CYGB: variants seen among roughly 807,000 people sequenced by gnomAD.
CYGB encodes the protein cytoglobin.
In CYGB, 13 loss-of-function variants were observed where a neutral mutation model predicts 20.7. The ratio of observed to expected loss-of-function variants is 0.63; its 90% CI spans 0.41 to 1.00. The LOEUF (loss-of-function observed/expected upper bound fraction) is 1.00. Ranked by LOEUF, CYGB falls within the 50% of genes least tolerant of loss-of-function variation. The pLI, the probability that CYGB is intolerant of heterozygous loss-of-function variation, is 0.00. For synonymous variants in CYGB, 93 were observed against 107.4 expected, an observed-to-expected ratio of 0.87 and a Z score of 0.83; for missense variants, 218 against 257.2, an observed-to-expected ratio of 0.85 and a Z score of 1.04.
At chr17:76,534,146 T>C (rs140767669) in intron 1 of CYGB, among the ~76,000 whole-genome samples, 4,115 of 128,706 alleles carry the variant, frequency 0.032, 113 homozygotes, top group Non-Finnish European at 0.048. Context: ...CTCTTTCTCT[T>C]TCTCTCTCTC....
intron 1 of CYGB, among the ~76,000 whole-genome samples, 153 bp downstream of exon 1, chr17:76,537,247 G>C (rs1312412534): frequency 6.6e-6 from 1 of 152,168 alleles, no homozygotes; most frequent in Non-Finnish European, 1.5e-5. Flanking sequence ...TCACCCCAAG[G>C]CGCCCCACGC....
chr17:76,538,406 C>T (rs1598209473), upstream of CYGB: 3 of 423,800 alleles, frequency 7.1e-6, no homozygotes, highest in East Asian at 2.6e-4. Flanking sequence ...GCGCCAGAGG[C>T]CTGCGCCCCC....
At chr17:76,535,374 C>T (rs542770519) in intron 1 of CYGB, among the ~76,000 whole-genome samples, 3 of 152,236 alleles carry the variant, frequency 2.0e-5, no homozygotes, top group East Asian at 3.9e-4. Flanking sequence ...TCAAGACTGA[C>T]GGGCCCAGGA....
In CYGB at chr17:76,530,055, C is replaced by T. The variant is rs528327186; in HGVS notation, c.539+924G>A. 209 of 985,388 alleles carry T rather than the reference C, an allele frequency of 2.1e-4. 1 individual carries two copies. In the African/African-American group the frequency reaches 3.5e-3, roughly 16 times the overall value. 61.0% of individuals were successfully genotyped at this position (985,388 alleles called of 1,614,324 possible). On this transcript the variant is annotated intron_variant, in intron 3 of 3. Coordinates refer to ENST00000293230, the MANE Select transcript of CYGB (RefSeq NM_134268.5). This position sits in a 1 kb window ranked among gnomAD's most constrained non-coding sequence, Gnocchi z 6.1. ...AGAAGGGCCGGCAGTCTTGGGGGCCCGTGCAGAGCCCGGCGGGAGACGCCG... is the reference window on the plus strand; with the variant it reads ...AGAAGGGCCGGCAGTCTTGGGGGCCTGTGCAGAGCCCGGCGGGAGACGCCG...
At chr17:76,542,909 T>C (rs2075008625) in intron 1 of CYGB, 4 of 582,868 alleles carry the variant, frequency 6.9e-6, no homozygotes, top group South Asian at 6.2e-5. Flanking sequence ...TGCTGGGGCA[T>C]GAGGGCAGTG....
chr17:76,536,195 C>T (rs1040954322), intron 1 of CYGB, among the ~76,000 whole-genome samples: 5 of 152,212 alleles, frequency 3.3e-5, no homozygotes, highest in Admixed American at 6.5e-5. Context: ...GCTCCTCTAA[C>T]TCCTTAGAAG....
chr17:76,538,440 T>C (rs895729818), upstream of CYGB: 5 of 464,252 alleles, frequency 1.1e-5, no homozygotes, highest in Admixed American at 4.8e-5. Flanking sequence ...AGCACCTCCA[T>C]GCCCTCGGTG....
At chr17:76,544,586 AGCCTGACCCAGGCCGTGAGCCCGTGATC>A (rs1358412002) in intron 1 of CYGB, 3 of 456,634 alleles carry the variant, frequency 6.6e-6, no homozygotes, top group Non-Finnish European at 8.8e-6. Flanking sequence ...CCAGAGCGCC[AGCCTGACCCAGGCCGTGAGCCCGTGATC>A]GCCTGTCTCA....
At chr17:76,534,872 G>T (rs2074898212) in intron 1 of CYGB, among the ~76,000 whole-genome samples, 1 of 152,206 alleles carries the variant, frequency 6.6e-6, no homozygotes, top group Admixed American at 6.5e-5. Context: ...GGCCCCTGGG[G>T]CCCATGTGCC....
chr17:76,542,987 G>C (rs1181841619), intron 1 of CYGB: 1 of 490,606 alleles, frequency 2.0e-6, no homozygotes, highest in African/African-American at 2.0e-5. Flanking sequence ...CCCATCCCCA[G>C]GTGTGGGAGA....
chr17:76,534,925 C>A (rs2074899291), intron 1 of CYGB, among the ~76,000 whole-genome samples: 1 of 152,256 alleles, frequency 6.6e-6, no homozygotes, highest in South Asian at 2.1e-4. Context: ...ACCTGAGACC[C>A]TCCCGGTCTC....
chr17:76,537,916 G>A (rs1034791147), upstream of CYGB: 1 of 150,916 alleles, frequency 6.6e-6, no homozygotes, highest in Admixed American at 6.6e-5. Flanking sequence ...CGCAGGCCAC[G>A]GCGGAGTTGC....
chr17:76,534,475 G>T (rs1401270917), intron 1 of CYGB, among the ~76,000 whole-genome samples: 1 of 152,162 alleles, frequency 6.6e-6, no homozygotes, highest in South Asian at 2.1e-4. Context: ...CACGGTGCCC[G>T]GCCTGTTATT....
At chr17:76,539,192 GC>G (rs902670163), upstream of CYGB, among the ~76,000 whole-genome samples, 3 of 152,208 alleles carry the variant, frequency 2.0e-5, no homozygotes, top group Admixed American at 6.5e-5. Context: ...CGTGGCCATG[GC>G]TGGCTCCATG....
chr17:76,528,251 G>A lies in CYGB; in HGVS notation c.*327C>T, dbSNP rs533419813. The A allele has an allele frequency of 1.8e-5, 7 of 399,166 alleles. No homozygotes were observed. Among genetic ancestry groups the A allele is most frequent in the Non-Finnish European group, 3.1e-5 (7 of 226,722 alleles). 24.7% of individuals were successfully genotyped at this position (399,166 alleles called of 1,614,324 possible). A position where few individuals can be genotyped will look rare whatever the true frequency, so the allele number is the denominator to read the frequency against. Reference sequence around the variant, plus strand: ...CATGCTGGCCGGGCTGATAGAAACGGGGCTGGTTTATTCCCTAAGGGACTC... The same window carrying A: ...CATGCTGGCCGGGCTGATAGAAACGAGGCTGGTTTATTCCCTAAGGGACTC... On this transcript the variant is annotated 3_prime_UTR_variant, in exon 4 of 4. Transcript: ENST00000293230. The surrounding 1 kb of genome is among the most constrained non-coding windows in gnomAD (Gnocchi z 5.8).
upstream of CYGB, chr17:76,540,049 G>C: frequency 7.6e-7 from 1 of 1,311,152 alleles, no homozygotes; most frequent in Non-Finnish European, 1.1e-6. This position sits in a 1 kb window ranked among gnomAD's most constrained non-coding sequence, Gnocchi z 5.0. Context: ...AGGACAGACG[G>C]CAGTGGCTCC....
rs2143193892 is a variant in CYGB at position 76,546,550 on chromosome 17, G to T, written c.-53+4312C>A. 6.6e-6 allele frequency: 1 copy of T among 152,216 alleles called. No homozygotes were observed. Among genetic ancestry groups the T allele is most frequent in the South Asian group, 2.1e-4 (1 of 4,816 alleles). The allele number at this position is 152,216 out of a possible 1,614,324, so 9.4% of individuals were successfully genotyped here. On this transcript the variant is annotated intron_variant, in intron 1 of 3. Coordinates refer to the CYGB transcript ENST00000589145. This position sits in a 1 kb window ranked among gnomAD's most constrained non-coding sequence, Gnocchi z 4.5. ...GGGTAGGGCACAGTGCCCACTATGAGACAGGCACAATGGCGAGAGAGCAAA... is the reference window on the plus strand; with the variant it reads ...GGGTAGGGCACAGTGCCCACTATGATACAGGCACAATGGCGAGAGAGCAAA...
rs919318346 is a variant in CYGB at position 76,527,553 on chromosome 17, G to A, written c.*1025C>T. 18 of 440,708 alleles carry A rather than the reference G, an allele frequency of 4.1e-5. No individual in the cohort carries two copies. The highest frequency in any genetic ancestry group is 3.6e-4 in the African/African-American group (17 of 47,772). 27.3% of individuals were successfully genotyped at this position (440,708 alleles called of 1,614,324 possible). On this transcript the variant is annotated 3_prime_UTR_variant, in exon 4 of 4. Transcript: ENST00000293230. ...ACACACGTGACCAAGGGGCACACAC[G>A]GGGGGCCCCCCTGGCAAGCCTGACG...
At position 76,531,855 on chromosome 17, in the gene CYGB, C is replaced by G; in HGVS notation, c.144-164G>C. ...GTAGACCTCAGCATAGACCCTCCTC[C>G]CTCTGGCCAAGCCGGCTCACCCCTA... On this transcript the variant is annotated intron_variant, in intron 1 of 3. Coordinates refer to ENST00000293230, the MANE Select transcript of CYGB (RefSeq NM_134268.5). The surrounding 1 kb of genome is among the most constrained non-coding windows in gnomAD (Gnocchi z 7.4). 8.2e-6 allele frequency: 5 copies of G among 610,006 alleles called. No homozygotes were observed. The highest frequency in any genetic ancestry group is 1.4e-5 in the Non-Finnish European group (5 of 354,694). The allele number at this position is 610,006 out of a possible 1,614,324, so 37.8% of individuals were successfully genotyped here.
Sources: allele counts gnomAD v4.1 joint callset (sites outside exome capture counted in the v4.1 genomes callset), GRCh38; gene constraint gnomAD v4.1.1; non-coding constraint Gnocchi (gnomAD v3.1); transcripts MANE v1.5; gene names NCBI Gene and HGNC (gene_info 2026-07-23, HGNC 2026-07-21).